ZNF660: variants seen among roughly 807,000 people sequenced by gnomAD.
ZNF660 encodes zinc finger protein 660.
ZNF660 carries 24 observed loss-of-function variants against 23.2 expected under a neutral mutation model. That is an observed-to-expected ratio of 1.04 (90% CI 0.75 to 1.46). ZNF660 has a LOEUF of 1.46. Among genes scored for constraint, ZNF660 ranks in the 40% most tolerant of loss-of-function variants. The probability of loss-of-function intolerance (pLI) is 0.00; values close to 1 mark genes in which losing one functional copy is unlikely to be tolerated. For missense variants in ZNF660, 373 were observed against 396.8 expected (o/e 0.94, Z 0.51); for synonymous variants, 117 against 131.4 (o/e 0.89, Z 0.75).
Position 44,594,990 on chromosome 3 carries a change from G to A in ZNF660, c.797G>A (p.Arg266Lys). 2 of 1,614,004 alleles carry A rather than the reference G, an allele frequency of 1.2e-6. No homozygotes were observed. The highest frequency in any genetic ancestry group is 1.7e-6 in the Non-Finnish European group (2 of 1,179,982). Residue 266 changes from arginine to lysine, a missense_variant, in exon 3 of 3, where the codon AGA (arginine) becomes AAA (lysine). By Grantham distance (26) the Arg-to-Lys change is conservative. Transcript: ENST00000322734. The stretch of plus-strand genomic sequence containing the variant: ...AATCGAAACCTTGTTGATCATCAGA[G>A]AGTTCACACTGGAGAGAAACCCTAT... ...TSNRNLVDHQ[R>K]VHTGEKPYKC...
intron 2 of ZNF660, among the ~76,000 whole-genome samples, chr3:44,591,930 G>A (rs753843483): frequency 9.8e-4 from 149 of 152,136 alleles, no homozygotes; most frequent in Admixed American, 2.8e-3. Context: ...TCCAGGAGGC[G>A]GAGGTTGTAG....
intron 2 of ZNF660, among the ~76,000 whole-genome samples, chr3:44,593,645 G>A (rs1167741496): frequency 6.6e-6 from 1 of 150,952 alleles, no homozygotes; most frequent in African/African-American, 2.4e-5. Flanking sequence ...AACCTGGGAA[G>A]CGGAGGTTGC....
At chr3:44,593,050 C>G (rs570905218) in intron 2 of ZNF660, among the ~76,000 whole-genome samples, 1 of 150,150 alleles carries the variant, frequency 6.7e-6, no homozygotes, top group African/African-American at 2.5e-5. Flanking sequence ...GAGACTCCGT[C>G]TCAGAAAAAA....
In ZNF660 at chr3:44,595,997, C is replaced by T. The variant is rs1700595240; in HGVS notation, c.*808C>T. On this transcript the variant is annotated 3_prime_UTR_variant, in exon 3 of 3. Coordinates refer to ENST00000322734, the MANE Select transcript of ZNF660 (RefSeq NM_173658.4). ...CACTGAACCCTCCTTTCCCACAGTT[C>T]TGGAAGGATCTGCAGATGATGGAGA... 6.0e-6 allele frequency: 1 copy of T among 167,016 alleles called. No homozygotes were observed. The highest frequency in any genetic ancestry group is 1.5e-5 in the Non-Finnish European group (1 of 68,106). 10.3% of individuals were successfully genotyped at this position (167,016 alleles called of 1,614,324 possible). A position where few individuals can be genotyped will look rare whatever the true frequency, so the allele number is the denominator to read the frequency against.
chr3:44,594,348 G>A lies in ZNF660; in HGVS notation c.155G>A (p.Cys52Tyr). ...CAGGCTGAAAAGAGACAGTATGTAT[G>A]TACTGAGTGTGGGAAAGCCTTTAGT... ...RVQAEKRQYV[C>Y]TECGKAFSQS... The change falls in exon 3 of 3, where the codon TGT becomes TAT. Residue 52 changes from cysteine to tyrosine, a missense_variant. Physicochemically the swap from Cys to Tyr is radical, Grantham distance 194. Transcript: ENST00000322734. 6.2e-7 allele frequency: 1 copy of A among 1,614,238 alleles called. No individual in the cohort carries two copies. Among genetic ancestry groups the A allele is most frequent in the Non-Finnish European group, 8.5e-7 (1 of 1,180,044 alleles).
rs1700530656 is a variant in ZNF660 at position 44,594,195 on chromosome 3, TGAG to T, written c.6_8del (p.Arg3?). On this transcript the variant is annotated start_lost and inframe_deletion, in exon 3 of 3. Transcript: ENST00000322734. ...CTGGTATGTTCCAAGCAGGAGAAAA[TGAG>T]GAGAAAGACAAGAAATTTCAAACAT... The T allele has an allele frequency of 1.9e-6, 3 of 1,610,886 alleles. No homozygotes were observed. The highest frequency in any genetic ancestry group is 2.5e-6 in the Non-Finnish European group (3 of 1,179,050).
intron 2 of ZNF660, among the ~76,000 whole-genome samples, chr3:44,590,580 G>A (rs560054577): frequency 1.3e-5 from 2 of 152,120 alleles, no homozygotes; most frequent in Admixed American, 1.3e-4. Context: ...ATGTTAGGGG[G>A]ACACAAACAT....
Position 44,594,678 on chromosome 3 carries a change from A to G in ZNF660, c.485A>G (p.Tyr162Cys), listed in dbSNP as rs138340510. ...HHRVHTGEKP[Y>C]SCIECGKAFS... is the part of the protein sequence containing the mutation. ...AGAGTTCACACCGGAGAGAAGCCCTATTCTTGTATTGAGTGTGGGAAAGCC... is the reference window on the plus strand; with the variant it reads ...AGAGTTCACACCGGAGAGAAGCCCTGTTCTTGTATTGAGTGTGGGAAAGCC... The change falls in exon 3 of 3, where the codon TAT (tyrosine) becomes TGT (cysteine). Residue 162 changes from tyrosine to cysteine, a missense_variant. Transcript: ENST00000322734. The G allele has an allele frequency of 2.5e-6, 4 of 1,614,150 alleles. No individual in the cohort carries two copies. The African/African-American group carries it at 4.0e-5, about 16-fold the overall frequency.
chr3:44,589,009 G>A (rs537140587), intron 2 of ZNF660, among the ~76,000 whole-genome samples: 2 of 152,320 alleles, frequency 1.3e-5, no homozygotes, highest in East Asian at 3.9e-4. Flanking sequence ...ACATCTGGAT[G>A]CGTTCCTGAA....
Position 44,599,484 on chromosome 3 carries a change from A to C in ZNF660, c.*4295A>C, listed in dbSNP as rs1211834378. The C allele has an allele frequency of 6.6e-6, 1 of 152,116 alleles. No individual in the cohort carries two copies. The highest frequency in any genetic ancestry group is 1.5e-5 in the Non-Finnish European group (1 of 68,016). 9.4% of individuals were successfully genotyped at this position (152,116 alleles called of 1,614,324 possible). The stretch of plus-strand genomic sequence containing the variant: ...GTTGAATCTAAATCCCTTAAGACTA[A>C]ATTTCATTGCAGCTCTGTACCCTCA... On this transcript the variant is annotated 3_prime_UTR_variant, in exon 3 of 3. Transcript: ENST00000322734.
intron 2 of ZNF660, among the ~76,000 whole-genome samples, chr3:44,588,856 C>T (rs1700321445): frequency 6.6e-6 from 1 of 152,182 alleles, no homozygotes; most frequent in Non-Finnish European, 1.5e-5. Context: ...TATTCCTCTT[C>T]ACCTTGTCTA....
At chr3:44,589,546 G>A (rs1444095845) in intron 2 of ZNF660, among the ~76,000 whole-genome samples, 1 of 152,140 alleles carries the variant, frequency 6.6e-6, no homozygotes, top group Non-Finnish European at 1.5e-5. Context: ...GGAACTATGG[G>A]AACTAGGGGA....
At chr3:44,593,325 T>C (rs1173250597) in intron 2 of ZNF660, among the ~76,000 whole-genome samples, 3 of 152,192 alleles carry the variant, frequency 2.0e-5, no homozygotes, top group African/African-American at 7.2e-5. Context: ...GGGAATAGGT[T>C]AGCAAGAACT....
At position 44,586,162 on chromosome 3, in the gene ZNF660, A is replaced by G. The variant is rs930139798; in HGVS notation, c.-232A>G. On this transcript the variant is annotated 5_prime_UTR_variant, in exon 2 of 3. Coordinates refer to ENST00000322734, the MANE Select transcript of ZNF660 (RefSeq NM_173658.4). ...GAACTCAAGGAGGAGATCAGGCAAG[A>G]TCTGTGCTGTGCAGATCCTTTGGAT... The G allele has an allele frequency of 6.6e-6, 1 of 152,214 alleles. No individual in the cohort carries two copies. Among genetic ancestry groups the G allele is most frequent in the Non-Finnish European group, 1.5e-5 (1 of 68,054 alleles). The allele number at this position is 152,214 out of a possible 1,614,324, so 9.4% of individuals were successfully genotyped here.
In ZNF660 at chr3:44,594,135, C is replaced by T. The variant is rs1436166538; in HGVS notation, c.-59C>T. On this transcript the variant is annotated 5_prime_UTR_variant, in exon 3 of 3. Transcript: ENST00000322734. ...GCCCAGGAAGTCAAAATTTAGAAGG[C>T]TCCTCTGAAGGGAAAGAGAAGACTA... 8 of 1,603,378 alleles carry T rather than the reference C, an allele frequency of 5.0e-6. No individual in the cohort carries two copies. The highest frequency in any genetic ancestry group is 1.3e-5 in the African/African-American group (1 of 74,474).
At chr3:44,589,622 G>A (rs1286414164) in intron 2 of ZNF660, among the ~76,000 whole-genome samples, 1 of 152,194 alleles carries the variant, frequency 6.6e-6, no homozygotes, top group East Asian at 1.9e-4. Context: ...AACAAGAGTG[G>A]AGAATAGCAA....
Position 44,594,166 on chromosome 3 carries a change from G to T in ZNF660, c.-28G>T, listed in dbSNP as rs762615817. On this transcript the variant is annotated 5_prime_UTR_variant, in exon 3 of 3. Coordinates refer to ENST00000322734, the MANE Select transcript of ZNF660 (RefSeq NM_173658.4). ...TGAAGGGAAAGAGAAGACTAGAGAG[G>T]ACACTGGTATGTTCCAAGCAGGAGA... The T allele has an allele frequency of 6.2e-7, 1 of 1,611,934 alleles. No individual in the cohort carries two copies. Among genetic ancestry groups the T allele is most frequent in the Non-Finnish European group, 8.5e-7 (1 of 1,179,318 alleles).
At position 44,595,243 on chromosome 3, in the gene ZNF660, CTTTAGTA is replaced by C; in HGVS notation, c.*56_*62del. 6.7e-7 allele frequency: 1 copy of C among 1,487,540 alleles called. No homozygotes were observed. Among genetic ancestry groups the C allele is most frequent in the Admixed American group, 2.3e-5 (1 of 43,122 alleles). 92.1% of individuals were successfully genotyped at this position (1,487,540 alleles called of 1,614,324 possible). A position where few individuals can be genotyped will look rare whatever the true frequency, so the allele number is the denominator to read the frequency against. ...ACTGCTGCTTTTCTAAAAAGTAGTT[CTTTAGTA>C]TCAACTTTAATTCTACTTCTAAGAA... On this transcript the variant is annotated 3_prime_UTR_variant, in exon 3 of 3. Transcript: ENST00000322734.
At position 44,598,109 on chromosome 3, in the gene ZNF660, TG is replaced by T. The variant is rs1700674031; in HGVS notation, c.*2921del. The T allele has an allele frequency of 6.6e-6, 1 of 152,022 alleles. No homozygotes were observed. Among genetic ancestry groups the T allele is most frequent in the African/African-American group, 2.4e-5 (1 of 41,260 alleles). The allele number at this position is 152,022 out of a possible 1,614,324, so 9.4% of individuals were successfully genotyped here. On this transcript the variant is annotated 3_prime_UTR_variant, in exon 3 of 3. Transcript: ENST00000322734. ...GGAAACCAGGAACTGTCTCTTTTAA[TG>T]TGCTTTCTTTTTCTTTCTTTTCTTT...
Sources: gnomAD v4.1 joint callset for allele counts (sites outside exome capture counted in the v4.1 genomes callset) on GRCh38, gnomAD v4.1.1 for gene constraint, MANE v1.5 for transcripts, NCBI Gene and HGNC (gene_info 2026-07-23, HGNC 2026-07-21) for gene names.